Variants in MAP3K7 observed in about 807,000 individuals in gnomAD.
MAP3K7 encodes TGF-beta activated kinase 1.
Under a neutral mutation model 84.8 loss-of-function variants are expected in MAP3K7, and 21 were observed. That is an observed-to-expected ratio of 0.25 (90% CI 0.18 to 0.36). The LOEUF is 0.36. Among genes scored for constraint, MAP3K7 ranks in the 10% least tolerant of loss-of-function variants. The pLI, the probability that MAP3K7 is intolerant of heterozygous loss-of-function variation, is 1.00. For missense variants in MAP3K7, 503 were observed against 747.7 expected (o/e 0.67, Z 3.82); for synonymous variants, 241 against 247.7 (o/e 0.97, Z 0.25).
chr6:90,555,773 A>G (rs757404350), intron 6 of MAP3K7, among the ~76,000 whole-genome samples: 3 of 152,162 alleles, frequency 2.0e-5, no homozygotes, highest in Non-Finnish European at 2.9e-5. Flanking sequence ...GTTTTTGTCA[A>G]CTGATCAATA....
chr6:90,573,183 T>C (rs917093678), intron 1 of MAP3K7, among the ~76,000 whole-genome samples: 1 of 152,156 alleles, frequency 6.6e-6, no homozygotes, highest in Admixed American at 6.5e-5. Context: ...TAAAGTGCAG[T>C]CTGATGCCAG....
At chr6:90,563,237 G>T (rs1483763127) in intron 3 of MAP3K7, among the ~76,000 whole-genome samples, 1 of 152,226 alleles carries the variant, frequency 6.6e-6, no homozygotes, top group Non-Finnish European at 1.5e-5. Context: ...TGAGTTGAGA[G>T]AAGAAGGCTT....
At chr6:90,549,721 T>C (rs1175720213) in intron 9 of MAP3K7, among the ~76,000 whole-genome samples, 1 of 152,136 alleles carries the variant, frequency 6.6e-6, no homozygotes, top group Non-Finnish European at 1.5e-5. Context: ...GAGAAGTACA[T>C]TTTAGAATTC....
intron 13 of MAP3K7, among the ~76,000 whole-genome samples, chr6:90,527,299 CT>C (rs1447339778): frequency 2.0e-5 from 3 of 151,732 alleles, no homozygotes; most frequent in African/African-American, 7.2e-5. Context: ...GTCTTGTTCT[CT>C]TGCCCAGGCT....
intron 13 of MAP3K7, 142 bp from the exon 14 acceptor site, chr6:90,523,925 T>C: frequency 1.8e-6 from 1 of 563,588 alleles, no homozygotes; most frequent in East Asian, 2.8e-5. Context: ...CTCTCTTATA[T>C]ATATGTAAAA....
intron 10 of MAP3K7, 86 bp downstream of exon 10, chr6:90,547,961 G>T: frequency 9.2e-7 from 1 of 1,089,940 alleles, no homozygotes. Context: ...TTATAAAATA[G>T]AAGATGGTAA....
At chr6:90,546,628 G>A (rs992048417) in intron 11 of MAP3K7, among the ~76,000 whole-genome samples, 1 of 152,096 alleles carries the variant, frequency 6.6e-6, no homozygotes, top group Non-Finnish European at 1.5e-5. Context: ...GTTTACTTAA[G>A]TAACAAAACA....
chr6:90,547,171 A>G, intron 11 of MAP3K7, 87 bp downstream of exon 11: 1 of 1,470,604 alleles, frequency 6.8e-7, no homozygotes, highest in Non-Finnish European at 9.2e-7. Flanking sequence ...TATAAGACAC[A>G]CACAAAAAAC....
intron 2 of MAP3K7, among the ~76,000 whole-genome samples, chr6:90,569,849 T>C (rs1306294215): frequency 6.6e-6 from 1 of 152,098 alleles, no homozygotes; most frequent in Non-Finnish European, 1.5e-5. Context: ...CCTTCTCCTC[T>C]CTTTTCTGCC....
intron 3 of MAP3K7, among the ~76,000 whole-genome samples, chr6:90,565,239 C>T (rs1459509166): frequency 6.6e-6 from 1 of 150,648 alleles, no homozygotes; most frequent in East Asian, 1.9e-4. Context: ...AGAGACACAA[C>T]AAACCCTTCA....
At chr6:90,552,201 A>AG (rs757540935) in intron 7 of MAP3K7, 22 bp from the exon 8 acceptor site, 33 of 1,582,468 alleles carry the variant, frequency 2.1e-5, no homozygotes, top group Non-Finnish European at 2.8e-5. Flanking sequence ...AATGAGAGGA[A>AG]GGGGGGAAGA....
intron 5 of MAP3K7, among the ~76,000 whole-genome samples, chr6:90,557,612 CTT>C (rs1776376451): frequency 6.6e-6 from 1 of 152,148 alleles, no homozygotes; most frequent in Admixed American, 6.5e-5. Flanking sequence ...AACTCTTACA[CTT>C]TTTACCCAAG....
chr6:90,533,220 T>A (rs1775562865), intron 13 of MAP3K7, among the ~76,000 whole-genome samples: 1 of 152,198 alleles, frequency 6.6e-6, no homozygotes, highest in East Asian at 1.9e-4. Context: ...CTAATTGATT[T>A]GGGCATAAGT....
rs1241696071 is a variant in MAP3K7 at position 90,518,658 on chromosome 6, G to A, written c.1525-96C>T. Reference sequence around the variant, plus strand: ...ACAGAGACTGTGATATATTTTTATAGCACTAAAGCAATGATCTTTTAAAAA... The same window carrying A: ...ACAGAGACTGTGATATATTTTTATAACACTAAAGCAATGATCTTTTAAAAA... On this transcript the variant is annotated intron_variant, in intron 15 of 16. Coordinates refer to ENST00000369329, the MANE Select transcript of MAP3K7 (RefSeq NM_145331.3). 5 of 683,656 alleles carry A rather than the reference G, an allele frequency of 7.3e-6. No homozygotes were observed. The Admixed American group carries it at 1.4e-4, about 19-fold the overall frequency. 42.3% of individuals were successfully genotyped at this position (683,656 alleles called of 1,614,324 possible).
intron 11 of MAP3K7, 88 bp downstream of exon 11, chr6:90,547,170 C>A: frequency 6.9e-7 from 1 of 1,450,238 alleles, no homozygotes; most frequent in Non-Finnish European, 9.4e-7. Flanking sequence ...ATATAAGACA[C>A]ACACAAAAAA....
chr6:90,536,502 T>C (rs1489305319), intron 12 of MAP3K7, 101 bp from the exon 13 acceptor site: 2 of 813,804 alleles, frequency 2.5e-6, no homozygotes, highest in Non-Finnish European at 4.0e-6. Flanking sequence ...GCTCCTTGGA[T>C]CTACACAAAA....
chr6:90,581,940 TA>T (rs1777285336), intron 1 of MAP3K7, among the ~76,000 whole-genome samples: 1 of 152,234 alleles, frequency 6.6e-6, no homozygotes, highest in African/African-American at 2.4e-5. Context: ...TTTTAGCTTT[TA>T]AAACAAAACT....
chr6:90,557,807 T>G (rs552868624), intron 5 of MAP3K7, among the ~76,000 whole-genome samples: 20 of 152,342 alleles, frequency 1.3e-4, no homozygotes, highest in Admixed American at 1.3e-4. Context: ...AATCTGAACT[T>G]AAATTATCTT....
intron 4 of MAP3K7, among the ~76,000 whole-genome samples, chr6:90,561,356 C>A (rs918063114): frequency 6.6e-6 from 1 of 151,938 alleles, no homozygotes; most frequent in Non-Finnish European, 1.5e-5. Context: ...ATTTTAAAAT[C>A]TATTTAAAAA....
Sources: gnomAD v4.1 joint callset for allele counts (sites outside exome capture counted in the v4.1 genomes callset) on GRCh38, gnomAD v4.1.1 for gene constraint, MANE v1.5 for transcripts, NCBI Gene and HGNC (gene_info 2026-07-23, HGNC 2026-07-21) for gene names.